Variants in SHANK2 observed in about 807,000 individuals in gnomAD.
The protein encoded by SHANK2 is SH3 and multiple ankyrin repeat domains protein 2.
A neutral mutation model predicts 133.7 loss-of-function variants in SHANK2; 43 were observed. The observed-to-expected ratio is 0.32, with a 90% confidence interval of 0.25 to 0.41. The LOEUF (loss-of-function observed/expected upper bound fraction) is 0.41, where lower values mean the gene tolerates loss of function less well. Ranked by LOEUF, SHANK2 falls within the 10% of genes least tolerant of loss-of-function variation. SHANK2 has a pLI of 1.00. For missense variants in SHANK2, 1,994 were observed against 2,235.8 expected, an observed-to-expected ratio of 0.89 and a Z score of 2.18; for synonymous variants, 1,017 against 952.8, an observed-to-expected ratio of 1.07 and a Z score of -1.24.
chr11:70,490,453 C>A, intron 22 of SHANK2, 66 bp from the exon 23 acceptor site: 1 of 1,350,568 alleles, frequency 7.4e-7, no homozygotes, highest in Non-Finnish European at 1.1e-6. Context: ...TCACAGGGCC[C>A]AGAGACCACA....
chr11:70,740,615 G>C (rs562434280), intron 14 of SHANK2, among the ~76,000 whole-genome samples: 25 of 152,304 alleles, frequency 1.6e-4, no homozygotes, highest in African/African-American at 5.8e-4. Context: ...CGGTTGGATA[G>C]GCCCCAGCAA....
At chr11:70,750,644 G>A (rs560582793) in intron 14 of SHANK2, among the ~76,000 whole-genome samples, 29 of 152,320 alleles carry the variant, frequency 1.9e-4, no homozygotes, top group Admixed American at 7.2e-4. Flanking sequence ...AACAGGGATC[G>A]TGTGAAGTGG....
At chr11:71,198,554 CG>C (rs1953956938) in intron 2 of SHANK2, among the ~76,000 whole-genome samples, 2 of 152,134 alleles carry the variant, frequency 1.3e-5, no homozygotes, top group African/African-American at 4.8e-5. Flanking sequence ...ACTACCACAT[CG>C]TGAGTCCACG....
intron 10 of SHANK2, among the ~76,000 whole-genome samples, chr11:70,897,939 T>TACAC (rs1417161099): frequency 1.3e-5 from 2 of 149,014 alleles, no homozygotes; most frequent in African/African-American, 5.1e-5. Flanking sequence ...ATAATATACA[T>TACAC]ATACACACAC....
At chr11:70,774,049 T>C (rs1214888023) in intron 14 of SHANK2, among the ~76,000 whole-genome samples, 1 of 152,104 alleles carries the variant, frequency 6.6e-6, no homozygotes, top group Admixed American at 6.5e-5. Flanking sequence ...AGCCAAAAAC[T>C]GGAAACAACC....
intron 17 of SHANK2, among the ~76,000 whole-genome samples, chr11:70,524,678 C>T (rs538759626): frequency 7.1e-4 from 108 of 152,268 alleles, no homozygotes; most frequent in Non-Finnish European, 1.1e-3. Flanking sequence ...GATGACATTA[C>T]GGTAACTAGA....
At chr11:70,894,477 G>T (rs1257161238) in intron 11 of SHANK2, among the ~76,000 whole-genome samples, 1 of 152,132 alleles carries the variant, frequency 6.6e-6, no homozygotes, top group South Asian at 2.1e-4. Context: ...GTGAGACACC[G>T]CGCCTGGCCC....
chr11:70,864,206 G>T (rs1194108424), intron 11 of SHANK2: 1 of 197,104 alleles, frequency 5.1e-6, no homozygotes, highest in Non-Finnish European at 1.1e-5. Flanking sequence ...TGTTGCCGTG[G>T]CAACTCCACT....
At chr11:70,916,137 C>T (rs1403292772) in intron 10 of SHANK2, among the ~76,000 whole-genome samples, 1 of 152,216 alleles carries the variant, frequency 6.6e-6, no homozygotes, top group East Asian at 1.9e-4. Flanking sequence ...TGCCCAAAGC[C>T]ATTCTAAACC....
chr11:71,171,016 C>G (rs556801912), intron 2 of SHANK2, among the ~76,000 whole-genome samples: 74 of 152,338 alleles, frequency 4.9e-4, no homozygotes, highest in African/African-American at 1.7e-3. Flanking sequence ...GCGGTACAAT[C>G]AGGCTCCCAG....
intron 11 of SHANK2, among the ~76,000 whole-genome samples, chr11:70,868,846 G>A (rs1477371398): frequency 6.6e-6 from 1 of 152,230 alleles, no homozygotes. Flanking sequence ...GGGTGCCAAA[G>A]TCCAGAGGAT....
chr11:70,544,977 G>T (rs1163876569), intron 17 of SHANK2, among the ~76,000 whole-genome samples: 2 of 152,202 alleles, frequency 1.3e-5, no homozygotes, highest in Non-Finnish European at 2.9e-5. Context: ...TCTCCTGCTG[G>T]GGTGGCGGTG....
At chr11:70,840,838 G>A (rs1036722091) in intron 11 of SHANK2, among the ~76,000 whole-genome samples, 4 of 152,228 alleles carry the variant, frequency 2.6e-5, no homozygotes, top group Admixed American at 1.3e-4. Flanking sequence ...TCCCAGCACC[G>A]GGCACTTCTA....
chr11:70,707,789 C>T (rs770251469), intron 14 of SHANK2, among the ~76,000 whole-genome samples: 1 of 152,150 alleles, frequency 6.6e-6, no homozygotes, highest in Non-Finnish European at 1.5e-5. Flanking sequence ...CCAGCTTGGA[C>T]GTTCTGGTCT....
chr11:70,604,932 G>T (rs57322306), intron 17 of SHANK2: 7,845 of 152,756 alleles, frequency 0.051, 287 homozygotes, highest in East Asian at 0.23. Context: ...GGGCAGTGGT[G>T]TGTGGGCAGC....
chr11:70,920,360 T>C (rs989164239), intron 10 of SHANK2, among the ~76,000 whole-genome samples: 2 of 152,202 alleles, frequency 1.3e-5, no homozygotes, highest in Admixed American at 6.5e-5. Flanking sequence ...CCCAAAGGGC[T>C]GGGTTTACAA....
At chr11:70,577,642 G>C (rs1165460529) in intron 17 of SHANK2, among the ~76,000 whole-genome samples, 1 of 152,174 alleles carries the variant, frequency 6.6e-6, no homozygotes, top group Admixed American at 6.5e-5. Context: ...GGCCAGGACT[G>C]GTTTCCCACC....
chr11:71,147,424 A>T, intron 2 of SHANK2, 86 bp from the exon 3 acceptor site: 1 of 1,127,650 alleles, frequency 8.9e-7, no homozygotes, highest in Admixed American at 2.7e-5. Context: ...TGGCGCTGGA[A>T]CACACGTGGG....
At chr11:71,207,185 T>TC (rs1466453234) in intron 2 of SHANK2, among the ~76,000 whole-genome samples, 11 of 149,164 alleles carry the variant, frequency 7.4e-5, no homozygotes, top group African/African-American at 9.8e-5. Flanking sequence ...TTCCTTTTTT[T>TC]TTTTTTTTTT....
Sources: allele counts gnomAD v4.1 joint callset (sites outside exome capture counted in the v4.1 genomes callset), GRCh38; gene constraint gnomAD v4.1.1; transcripts MANE v1.5; gene names NCBI Gene and HGNC (gene_info 2026-07-23, HGNC 2026-07-21).